Variants in TDRD3 observed in about 807,000 individuals in gnomAD.
TDRD3 encodes tudor domain-containing protein 3.
TDRD3 carries 45 observed loss-of-function variants against 86.7 expected under a neutral mutation model. That is an observed-to-expected ratio of 0.52 (90% CI 0.41 to 0.67). The LOEUF (loss-of-function observed/expected upper bound fraction) is 0.67, where lower values mean the gene tolerates loss of function less well. Ranked by LOEUF, TDRD3 falls within the 30% of genes least tolerant of loss-of-function variation. TDRD3 has a pLI of 0.00. For missense variants in TDRD3, 814 were observed against 889.0 expected, an observed-to-expected ratio of 0.92 and a Z score of 1.07; for synonymous variants, 298 against 301.7, an observed-to-expected ratio of 0.99 and a Z score of 0.13.
intron 3 of TDRD3, among the ~76,000 whole-genome samples, chr13:60,453,667 C>T (rs1039799118): frequency 5.9e-5 from 9 of 152,200 alleles, no homozygotes; most frequent in Non-Finnish European, 1.5e-5. Flanking sequence ...TTAATGGCTG[C>T]TCTTGGCTAG....
At position 60,467,280 on chromosome 13, in the gene TDRD3, T is replaced by C; in HGVS notation, c.396T>C (p.Ile132=). 1 of 1,613,966 alleles carries C rather than the reference T, an allele frequency of 6.2e-7. No homozygotes were observed. Among genetic ancestry groups the C allele is most frequent in the Non-Finnish European group, 8.5e-7 (1 of 1,179,886 alleles). ...PPGTKVKLSG[I]VDIKNGFLLL... ...GAACTAAAGTTAAGCTCTCAGGCAT[T>C]GTTGACATAAAAAATGGATTCCTGC... The change falls in exon 5 of 14, where the codon ATT becomes ATC. Residue 132 remains isoleucine, a synonymous_variant. Coordinates refer to ENST00000377881, the MANE Select transcript of TDRD3 (RefSeq NM_001146070.2).
intron 2 of TDRD3, among the ~76,000 whole-genome samples, chr13:60,444,103 A>G (rs750785433): frequency 1.1e-4 from 17 of 151,770 alleles, no homozygotes; most frequent in Non-Finnish European, 2.2e-4. Context: ...CTGCATTTTC[A>G]TAGTTATTTG....
At chr13:60,573,093 A>C (rs1958625436) in intron 13 of TDRD3, among the ~76,000 whole-genome samples, 1 of 152,192 alleles carries the variant, frequency 6.6e-6, no homozygotes, top group Admixed American at 6.5e-5. Context: ...CTCGCCATTT[A>C]TCTCAGCTCT....
At chr13:60,522,495 T>C (rs560496159) in intron 10 of TDRD3, among the ~76,000 whole-genome samples, 56 of 152,338 alleles carry the variant, frequency 3.7e-4, no homozygotes, top group African/African-American at 1.3e-3. Context: ...CTAAGTACTT[T>C]ACATATGTTA....
At chr13:60,429,040 C>T (rs1474002722) in intron 1 of TDRD3, among the ~76,000 whole-genome samples, 1 of 152,070 alleles carries the variant, frequency 6.6e-6, no homozygotes, top group Non-Finnish European at 1.5e-5. Flanking sequence ...CAACACTAAG[C>T]ACTTTGTATT....
chr13:60,464,182 T>G (rs1302442857), intron 4 of TDRD3, among the ~76,000 whole-genome samples: 1 of 152,134 alleles, frequency 6.6e-6, no homozygotes, highest in Non-Finnish European at 1.5e-5. Flanking sequence ...ATGAGCCAAA[T>G]AAACCTTTCT....
At chr13:60,560,096 A>T (rs1595120469) in intron 12 of TDRD3, among the ~76,000 whole-genome samples, 1 of 152,174 alleles carries the variant, frequency 6.6e-6, no homozygotes. Context: ...TTCCTGATAG[A>T]AAACTATGTG....
At chr13:60,448,666 A>T (rs1275343717) in intron 3 of TDRD3, among the ~76,000 whole-genome samples, 1 of 152,120 alleles carries the variant, frequency 6.6e-6, no homozygotes, top group African/African-American at 2.4e-5. Context: ...AAGCCATATT[A>T]TGCAACTTAT....
intron 3 of TDRD3, among the ~76,000 whole-genome samples, chr13:60,451,400 T>C (rs1276462996): frequency 2.0e-5 from 3 of 152,106 alleles, no homozygotes; most frequent in Non-Finnish European, 2.9e-5. Context: ...CAAGAAATAG[T>C]GTTAGATGCT....
At chr13:60,452,904 T>C (rs1164409036) in intron 3 of TDRD3, among the ~76,000 whole-genome samples, 4 of 152,038 alleles carry the variant, frequency 2.6e-5, no homozygotes, top group Non-Finnish European at 5.9e-5. Context: ...ACTCTTTGCT[T>C]CTTGATTACT....
At chr13:60,446,958 T>G (rs745803238) in intron 3 of TDRD3, among the ~76,000 whole-genome samples, 7 of 152,194 alleles carry the variant, frequency 4.6e-5, no homozygotes, top group Non-Finnish European at 1.0e-4. Flanking sequence ...CTTGTTTAAA[T>G]CAACTTTGTT....
At chr13:60,557,806 T>C (rs1049629005) in intron 12 of TDRD3, among the ~76,000 whole-genome samples, 1 of 146,828 alleles carries the variant, frequency 6.8e-6, no homozygotes, top group Admixed American at 6.9e-5. Flanking sequence ...GCATAAAGGA[T>C]TTTTTTTTTC....
At chr13:60,395,590 C>T (rs902584599), upstream of TDRD3, among the ~76,000 whole-genome samples, 1 of 152,116 alleles carries the variant, frequency 6.6e-6, no homozygotes, top group South Asian at 2.1e-4. Flanking sequence ...AATCACACGA[C>T]ATGTGAGAAC....
At chr13:60,471,511 T>A (rs1566219212) in intron 5 of TDRD3, among the ~76,000 whole-genome samples, 1 of 151,594 alleles carries the variant, frequency 6.6e-6, no homozygotes, top group East Asian at 1.9e-4. Context: ...AGATTCCTTA[T>A]GAATTATAGG....
At chr13:60,423,528 ATATAT>A in intron 1 of TDRD3, among the ~76,000 whole-genome samples, 1 of 152,228 alleles carries the variant, frequency 6.6e-6, no homozygotes, top group Admixed American at 6.5e-5. Flanking sequence ...AAAACTGATT[ATATAT>A]TATGTCATAA....
intron 1 of TDRD3, among the ~76,000 whole-genome samples, chr13:60,421,730 T>C (rs1168971522): frequency 2.0e-5 from 3 of 152,094 alleles, no homozygotes; most frequent in Admixed American, 6.5e-5. Context: ...AAGAAAAAGT[T>C]AAAAGCCAGC....
intron 8 of TDRD3, among the ~76,000 whole-genome samples, chr13:60,505,436 T>A (rs1049766903): frequency 2.0e-5 from 3 of 152,156 alleles, no homozygotes; most frequent in African/African-American, 7.2e-5. Flanking sequence ...GGCAGATGCC[T>A]CAGCCAGGGG....
intron 10 of TDRD3, among the ~76,000 whole-genome samples, chr13:60,524,554 G>A (rs775502020): frequency 4.0e-5 from 6 of 151,480 alleles, no homozygotes; most frequent in East Asian, 1.9e-4. Context: ...AGAAAAGAAC[G>A]ATTGCCTCTC....
intron 1 of TDRD3, among the ~76,000 whole-genome samples, chr13:60,399,077 T>G (rs1242671889): frequency 4.6e-5 from 7 of 152,208 alleles, no homozygotes; most frequent in Admixed American, 4.6e-4. Flanking sequence ...CTTTGTTTTC[T>G]CTGGCCTCTT....
Sources: gnomAD v4.1 joint callset for allele counts (sites outside exome capture counted in the v4.1 genomes callset) on GRCh38, gnomAD v4.1.1 for gene constraint, MANE v1.5 for transcripts, NCBI Gene and HGNC (gene_info 2026-07-23, HGNC 2026-07-21) for gene names.